Variants in CENPU observed in about 807,000 individuals in gnomAD.
The protein encoded by CENPU is KSHV latent nuclear antigen interacting protein 1.
In CENPU, 46 loss-of-function variants were observed where a neutral mutation model predicts 56.7. The observed-to-expected ratio is 0.81, with a 90% CI of 0.64 to 1.04. The LOEUF (loss-of-function observed/expected upper bound fraction) is 1.04. Ranked by LOEUF, CENPU falls within the 50% of genes least tolerant of loss-of-function variation. The probability of loss-of-function intolerance (pLI) is 0.00; values close to 1 mark genes in which losing one functional copy is unlikely to be tolerated. For missense variants in CENPU, 510 were observed against 490.1 expected (o/e 1.04, Z -0.38); for synonymous variants, 166 against 163.0 (o/e 1.02, Z -0.14).
intron 6 of CENPU, among the ~76,000 whole-genome samples, chr4:184,715,441 T>G (rs974055602): frequency 6.6e-6 from 1 of 152,254 alleles, no homozygotes; most frequent in African/African-American, 2.4e-5. Context: ...ACCTTCTGAG[T>G]AGCTGCGATT....
intron 9 of CENPU, 59 bp downstream of exon 9, chr4:184,702,304 G>A (rs1472808532): frequency 2.7e-6 from 4 of 1,482,736 alleles, no homozygotes; most frequent in Non-Finnish European, 3.8e-6. Context: ...ACAACAATAT[G>A]CTGCTACAGG....
In CENPU at chr4:184,695,065, TACTC is replaced by T. The variant is rs145587090; in HGVS notation, c.*219_*222del. On this transcript the variant is annotated 3_prime_UTR_variant, in exon 13 of 13. Transcript: ENST00000281453. The stretch of plus-strand genomic sequence containing the variant: ...GATTAAGGTGTCAACATTTTAAAAT[TACTC>T]AAGATATTAACCAGAAAAGATGATT... The T allele has an allele frequency of 4.6e-3, 2,443 of 531,486 alleles. 57 individuals are homozygous for T. Among genetic ancestry groups the T allele is most frequent in the African/African-American group, 0.042 (2,239 of 52,968 alleles). The allele number at this position is 531,486 out of a possible 1,614,324, so 32.9% of individuals were successfully genotyped here.
chr4:184,732,240 A>G (rs1761673463), intron 1 of CENPU, among the ~76,000 whole-genome samples: 1 of 102,870 alleles, frequency 9.7e-6, no homozygotes, highest in African/African-American at 3.2e-5. Context: ...ATTACTGTGA[A>G]TCACAGTTAA....
intron 8 of CENPU, among the ~76,000 whole-genome samples, chr4:184,705,579 T>TAA (rs59492907): frequency 2.7e-5 from 4 of 149,700 alleles, no homozygotes; most frequent in African/African-American, 4.9e-5. Context: ...GACATTTAAT[T>TAA]AAAAAAAAAA....
chr4:184,701,077 G>C (rs1339672789), intron 10 of CENPU, among the ~76,000 whole-genome samples, 196 bp from the exon 11 acceptor site: 1 of 152,124 alleles, frequency 6.6e-6, no homozygotes, highest in African/African-American at 2.4e-5. Flanking sequence ...AGGAAAAGAA[G>C]AGAGAACTCT....
Position 184,697,630 on chromosome 4 carries a change from A to T in CENPU, c.1143+17T>A, listed in dbSNP as rs1053623232. The T allele has an allele frequency of 3.7e-6, 6 of 1,611,434 alleles. No homozygotes were observed. The highest frequency in any genetic ancestry group is 5.1e-6 in the Non-Finnish European group (6 of 1,178,758). ...AATCATCTTCTGAAGCATGGTAAAA[A>T]GTAAAATTGGAGTTACCGTTTCCTT... On this transcript the variant is annotated intron_variant, in intron 12 of 12. Transcript: ENST00000281453.
intron 4 of CENPU, among the ~76,000 whole-genome samples, chr4:184,718,224 G>A (rs371481555): frequency 6.6e-6 from 1 of 152,220 alleles, no homozygotes; most frequent in African/African-American, 2.4e-5. Context: ...GGGCCTCGAC[G>A]TTTCTGCCCA....
Position 184,716,516 on chromosome 4 carries a change from T to A in CENPU, c.499A>T (p.Thr167Ser), listed in dbSNP as rs1761099558. ...ISTQRHEVIR[T>S]TASSELSEKP... is the part of the protein sequence containing the mutation. ...TCTGAAAGTTCTGAAGACGCTGTGG[T>A]TCGAATAACCTCATGACGTTGTGTA... Residue 167 changes from threonine (T) to serine (S), a missense_variant, in exon 6 of 13, where the codon ACC becomes TCC. Thr to Ser is a moderately conservative substitution (Grantham distance 58, BLOSUM62 1). Transcript: ENST00000281453. 1 of 1,614,084 alleles carries A rather than the reference T, an allele frequency of 6.2e-7. No individual in the cohort carries two copies. Among genetic ancestry groups the A allele is most frequent in the African/African-American group, 1.3e-5 (1 of 74,916 alleles).
In CENPU at chr4:184,724,011, T is replaced by A. The variant is rs528994933; in HGVS notation, c.320+946A>T. Among the ~76,000 whole-genome samples the A allele has an allele frequency of 2.6e-5, 4 of 152,138 alleles. No individual in the cohort carries two copies. The South Asian group carries it at 8.3e-4, about 32-fold the overall frequency. On this transcript the variant is annotated intron_variant, in intron 4 of 12. Coordinates refer to ENST00000281453, the MANE Select transcript of CENPU (RefSeq NM_024629.4). ...CGGGTGCAGTGGCTGACGCCTGTAA[T>A]CCCAGCACTTTGGGAGGCCGAGGTG...
At chr4:184,704,086 CT>C (rs368391994) in intron 8 of CENPU, among the ~76,000 whole-genome samples, 351 of 146,960 alleles carry the variant, frequency 2.4e-3, no homozygotes, top group African/African-American at 3.5e-3. Flanking sequence ...CATACTTCAT[CT>C]TTTTTTTTTT....
chr4:184,722,516 A>T (rs1490537235), intron 4 of CENPU, among the ~76,000 whole-genome samples: 38 of 152,100 alleles, frequency 2.5e-4, no homozygotes, highest in Non-Finnish European at 1.5e-4. Context: ...TTTTAATATA[A>T]ATCATAGAAG....
intron 11 of CENPU, chr4:184,698,331 A>G (rs1760407929): frequency 6.6e-6 from 1 of 152,268 alleles, no homozygotes; most frequent in East Asian, 1.9e-4. Flanking sequence ...ATAAAATAAA[A>G]AGGGATAACT....
chr4:184,725,108 T>G (rs761889911), intron 3 of CENPU, 46 bp from the exon 4 acceptor site: 1 of 1,251,914 alleles, frequency 8.0e-7, no homozygotes, highest in Admixed American at 1.9e-5. Flanking sequence ...GTCTGGCTAT[T>G]TGGGCAGTAC....
Position 184,694,695 on chromosome 4 carries a change from A to T in CENPU, c.*593T>A, listed in dbSNP as rs761308781. ...CTACTGAAGATGCTGAATTAGCTGA[A>T]GCTGCAGAGAACAGTCTTCTCAGTT... On this transcript the variant is annotated 3_prime_UTR_variant, in exon 13 of 13. Transcript: ENST00000281453. 1 of 1,613,878 alleles carries T rather than the reference A, an allele frequency of 6.2e-7. No individual in the cohort carries two copies. Among genetic ancestry groups the T allele is most frequent in the South Asian group, 1.1e-5 (1 of 91,070 alleles).
chr4:184,724,251 G>A (rs989499611), intron 4 of CENPU, among the ~76,000 whole-genome samples: 5 of 151,990 alleles, frequency 3.3e-5, no homozygotes, highest in African/African-American at 9.7e-5. Context: ...GGGCAACAGA[G>A]CAAGACTCCA....
chr4:184,714,506 C>T (rs1221936262), intron 6 of CENPU, among the ~76,000 whole-genome samples: 1 of 152,004 alleles, frequency 6.6e-6, no homozygotes. Flanking sequence ...TAGAATTATA[C>T]ATAATATTGT....
At chr4:184,733,871 G>A (rs1761745064) in intron 1 of CENPU, 145 bp downstream of exon 1, 1 of 1,078,404 alleles carries the variant, frequency 9.3e-7, no homozygotes, top group African/African-American at 1.5e-5. Context: ...AGACTGAGGA[G>A]GAAGCCGGGG....
chr4:184,731,872 A>G (rs529868519), intron 1 of CENPU, among the ~76,000 whole-genome samples: 1 of 50,962 alleles, frequency 2.0e-5, no homozygotes, highest in Admixed American at 1.9e-4. Context: ...TATGCCCTTT[A>G]CTCATGTGCT....
chr4:184,703,175 C>T (rs1760600565), intron 8 of CENPU, among the ~76,000 whole-genome samples: 1 of 152,178 alleles, frequency 6.6e-6, no homozygotes, highest in South Asian at 2.1e-4. Context: ...CTGATACTGA[C>T]CAACCTCACA....
Sources: gnomAD v4.1 joint callset for allele counts (sites outside exome capture counted in the v4.1 genomes callset) on GRCh38, gnomAD v4.1.1 for gene constraint, MANE v1.5 for transcripts, NCBI Gene and HGNC (gene_info 2026-07-23, HGNC 2026-07-21) for gene names.